The following OR1L8 variants were observed in gnomAD, a reference collection of about 807,000 sequenced individuals.
The protein encoded by OR1L8 is olfactory receptor 1L8.
For missense variants in OR1L8, 330 were observed against 377.4 expected (o/e 0.87, Z 1.04); for synonymous variants, 148 against 147.0 (o/e 1.01, Z -0.05).
intron 1 of OR1L8, among the ~76,000 whole-genome samples, chr9:122,580,856 TAA>T (rs142498522): frequency 0.14 from 20,547 of 152,076 alleles, 1,495 homozygotes; most frequent in Middle Eastern, 0.2. Flanking sequence ...ATAAAACTAC[TAA>T]AAAGTGTCCC....
At chr9:122,560,465 C>T in the OR1L8 span, among the ~76,000 whole-genome samples, 2 of 152,126 alleles carry the variant, frequency 1.3e-5, no homozygotes, top group African/African-American at 2.4e-5. Context: ...TGGCTGGTAC[C>T]GGTGTTTCCT....
chr9:122,549,333 A>G, the OR1L8 span, among the ~76,000 whole-genome samples: 295 of 152,302 alleles, frequency 1.9e-3, 5 homozygotes, highest in East Asian at 0.046. Flanking sequence ...AGATGCTGGC[A>G]CTATCCTTTG....
chr9:122,558,464 G>A, the OR1L8 span, among the ~76,000 whole-genome samples: 8 of 151,300 alleles, frequency 5.3e-5, no homozygotes, highest in African/African-American at 1.7e-4. Flanking sequence ...TTTGACAAAT[G>A]CTTTCTGGGC....
At position 122,576,779 on chromosome 9, in the gene OR1L8, C is replaced by T. The variant is rs1291723797; in HGVS notation, c.-355G>A. The T allele has an allele frequency of 6.6e-6, 1 of 152,144 alleles. No individual in the cohort carries two copies. Among genetic ancestry groups the T allele is most frequent in the East Asian group, 1.9e-4 (1 of 5,190 alleles). The allele number at this position is 152,144 out of a possible 1,614,324, so 9.4% of individuals were successfully genotyped here. A position where few individuals can be genotyped will look rare whatever the true frequency, so the allele number is the denominator to read the frequency against. The stretch of plus-strand genomic sequence containing the variant: ...AGGTTTTCCTACCTTAGCACTGATT[C>T]CTGCAGAGGCTTCTGTTTGTGGGTT... On this transcript the variant is annotated 5_prime_UTR_variant, in exon 3 of 5. Transcript: ENST00000641027.
chr9:122,580,385 C>A (rs78749512), intron 1 of OR1L8, among the ~76,000 whole-genome samples: 1 of 152,076 alleles, frequency 6.6e-6, no homozygotes, highest in African/African-American at 2.4e-5. Context: ...GAATGAATGC[C>A]GAGTGCCAAT....
At chr9:122,554,340 G>A in the OR1L8 span, 24 of 567,286 alleles carry the variant, frequency 4.2e-5, no homozygotes, top group African/African-American at 4.3e-4. Context: ...GGAATGAGAT[G>A]TTCTGTCTCA....
intron 1 of OR1L8, among the ~76,000 whole-genome samples, chr9:122,581,160 G>T (rs527623524): frequency 6.6e-6 from 1 of 152,098 alleles, no homozygotes; most frequent in Admixed American, 6.6e-5. Context: ...GAGGTCAGGA[G>T]ATCGAGACCA....
chr9:122,552,749 A>AGTGTGTGTGTGTGTGT, the OR1L8 span, among the ~76,000 whole-genome samples: 488 of 129,728 alleles, frequency 3.8e-3, 4 homozygotes, highest in South Asian at 7.1e-3. Context: ...AGAGGGCTTG[A>AGTGTGTGTGTGTGTGT]GTGTGTGTGT....
rs1829475912 is a variant in OR1L8 at position 122,568,319 on chromosome 9, G to A, written c.159C>T (p.Asn53=). The A allele has an allele frequency of 6.2e-7, 1 of 1,614,028 alleles. No individual in the cohort carries two copies. Among genetic ancestry groups the A allele is most frequent in the Admixed American group, 1.7e-5 (1 of 60,004 alleles). Residue 53 remains asparagine, a synonymous_variant, in exon 5 of 5, where the codon AAC becomes AAT. Coordinates refer to ENST00000641027, the MANE Select transcript of OR1L8 (RefSeq NM_001004454.2). The stretch of plus-strand genomic sequence containing the variant: ...AATACATAGGGGTCTGAAGATGGGG[G>A]TTGAAGCGAATGGCCAGGATGATGA... ...NLLIILAIRF[N]PHLQTPMYFF...
Position 122,568,201 on chromosome 9 carries a change from T to C in OR1L8, c.277A>G (p.Ile93Val), listed in dbSNP as rs767054614. The stretch of plus-strand genomic sequence containing the variant: ...TGTGTCAGACACCCAGCATAGGAGA[T>C]GGTCTTCTTTTCTGACAGGAAGTTC... ...LMNFLSEKKTISYAGCLTQMY... is the reference protein window; with the variant it reads ...LMNFLSEKKTVSYAGCLTQMY... The change falls in exon 5 of 5, where the codon ATC becomes GTC. Residue 93 changes from isoleucine to valine, a missense_variant. Ile to Val is a conservative substitution (Grantham distance 29). Coordinates refer to ENST00000641027, the MANE Select transcript of OR1L8 (RefSeq NM_001004454.2). 1 of 1,614,182 alleles carries C rather than the reference T, an allele frequency of 6.2e-7. No homozygotes were observed. Among genetic ancestry groups the C allele is most frequent in the Non-Finnish European group, 8.5e-7 (1 of 1,180,026 alleles).
Position 122,567,839 on chromosome 9 carries a change from G to A in OR1L8, c.639C>T (p.Leu213=). Residue 213 remains leucine (L), a synonymous_variant, in exon 5 of 5, where the codon CTC becomes CTT. Coordinates refer to ENST00000641027, the MANE Select transcript of OR1L8 (RefSeq NM_001004454.2). ...TTCGTATATAAGAGAAAGCAATGCA[G>A]AGAAAACGAGTCACCAAAACAATAG... is the stretch of plus-strand genomic sequence containing the variant. ...EAPIVLVTRF[L]CIAFSYIRIL... The A allele has an allele frequency of 6.2e-7, 1 of 1,614,076 alleles. No individual in the cohort carries two copies. The highest frequency in any genetic ancestry group is 8.5e-7 in the Non-Finnish European group (1 of 1,179,984).
the OR1L8 span, among the ~76,000 whole-genome samples, chr9:122,557,990 G>A: frequency 6.6e-6 from 1 of 151,800 alleles, no homozygotes; most frequent in Non-Finnish European, 1.5e-5. Flanking sequence ...CATGTTTGTG[G>A]GCACAGATTT....
At chr9:122,554,543 T>G in the OR1L8 span, among the ~76,000 whole-genome samples, 2 of 152,226 alleles carry the variant, frequency 1.3e-5, no homozygotes, top group South Asian at 2.1e-4. Context: ...ATTTATTGAC[T>G]ATCCACAATG....
At chr9:122,561,708 C>T in the OR1L8 span, among the ~76,000 whole-genome samples, 1 of 152,192 alleles carries the variant, frequency 6.6e-6, no homozygotes, top group Non-Finnish European at 1.5e-5. Flanking sequence ...TGGGTGCCTG[C>T]TCCTTCCATT....
At chr9:122,556,731 A>G in the OR1L8 span, among the ~76,000 whole-genome samples, 3 of 152,132 alleles carry the variant, frequency 2.0e-5, no homozygotes, top group Admixed American at 6.5e-5. Context: ...GTTCTTCCAT[A>G]ATGTGTTAGC....
intron 2 of OR1L8, among the ~76,000 whole-genome samples, chr9:122,577,744 A>G (rs149449298): frequency 1.3e-5 from 2 of 152,334 alleles, no homozygotes; most frequent in African/African-American, 4.8e-5. Context: ...AATATTTTTC[A>G]CTTTAAGAAA....
At chr9:122,557,514 AT>A in the OR1L8 span, among the ~76,000 whole-genome samples, 1 of 152,028 alleles carries the variant, frequency 6.6e-6, no homozygotes, top group Non-Finnish European at 1.5e-5. Context: ...AAATTAATTG[AT>A]TTTTAAGTGT....
the OR1L8 span, among the ~76,000 whole-genome samples, chr9:122,552,166 C>T: frequency 7.2e-3 from 1,080 of 150,138 alleles, 12 homozygotes; most frequent in African/African-American, 0.025. Context: ...TGAGTCTCTG[C>T]CTAAGGTCAG....
rs374867972 is a variant in OR1L8 at position 122,568,160 on chromosome 9, A to G, written c.318T>C (p.Tyr106=). ...GGCAGCTGTCACTGTTGCCCAAGGCATAGAGAAAATACATCTGTGTCAGAC... is the reference window on the plus strand; with the variant it reads ...GGCAGCTGTCACTGTTGCCCAAGGCGTAGAGAAAATACATCTGTGTCAGAC... ...AGCLTQMYFL[Y]ALGNSDSCLL... The change falls in exon 5 of 5, where the codon TAT becomes TAC. Residue 106 remains tyrosine, a synonymous_variant. Transcript: ENST00000641027. 13 of 1,614,204 alleles carry G rather than the reference A, an allele frequency of 8.1e-6. No homozygotes were observed. In the East Asian group the frequency reaches 1.1e-4, roughly 14 times the overall value.
Sources: allele counts gnomAD v4.1 joint callset (sites outside exome capture counted in the v4.1 genomes callset), GRCh38; gene constraint gnomAD v4.1.1; transcripts MANE v1.5; gene names NCBI Gene and HGNC (gene_info 2026-07-23, HGNC 2026-07-21).